The following EIF4E variants were observed in gnomAD, a reference collection of about 807,000 sequenced individuals.
EIF4E encodes the protein eIF-4F 25 kDa subunit.
For missense variants in EIF4E, 113 were observed against 265.6 expected (o/e 0.43, Z 3.99); for synonymous variants, 71 against 88.5 (o/e 0.80, Z 1.11).
chr4:98,914,417 T>C (rs1391950741), intron 1 of EIF4E, among the ~76,000 whole-genome samples: 2 of 150,720 alleles, frequency 1.3e-5, no homozygotes, highest in African/African-American at 4.9e-5. Context: ...TTTGACCTAT[T>C]TTAAGAAGTC....
intron 1 of EIF4E, chr4:98,928,866 C>T: frequency 6.5e-7 from 1 of 1,542,836 alleles, no homozygotes; most frequent in South Asian, 1.2e-5. Context: ...CCCTCCCCCA[C>T]ACCGCTCCCC....
rs770081125 is a variant in EIF4E, at chr4:98,897,364, A to G, written c.125+4512T>C. On this transcript the variant is annotated intron_variant, in intron 2 of 6. Coordinates refer to ENST00000450253, the MANE Select transcript of EIF4E (RefSeq NM_001968.5). ...GGTGGGTGGATCACCTGAGGTCAGG[A>G]GTTCAAGACCAGCTTGGCCATCATG... Among the ~76,000 whole-genome samples, 147 of 152,112 alleles carry G rather than the reference A, an allele frequency of 9.7e-4. 1 individual carries two copies. The highest frequency in any genetic ancestry group is 3.4e-3 in the Middle Eastern group (1 of 294).
At position 98,902,021 on chromosome 4, in the gene EIF4E, T is replaced by A. The variant is rs574728099; in HGVS notation, c.19-39A>T. On this transcript the variant is annotated intron_variant, in intron 1 of 6. Transcript: ENST00000450253. The stretch of plus-strand genomic sequence containing the variant: ...ATATAAAACATTATTTTAAATGTCT[T>A]AACACATCTATGACAGCAATATTCT... 3.9e-6 allele frequency: 6 copies of A among 1,556,588 alleles called. No homozygotes were observed. In the African/African-American group the frequency reaches 8.1e-5, roughly 21 times the overall value.
intron 1 of EIF4E, among the ~76,000 whole-genome samples, chr4:98,904,114 G>T (rs1435131049): frequency 6.7e-6 from 1 of 149,478 alleles, no homozygotes; most frequent in African/African-American, 2.6e-5. Flanking sequence ...ACTCTGGTTG[G>T]CCTAACAGAG....
intron 1 of EIF4E, among the ~76,000 whole-genome samples, chr4:98,907,367 A>G (rs1196194896): frequency 6.6e-6 from 1 of 152,174 alleles, no homozygotes; most frequent in Non-Finnish European, 1.5e-5. Flanking sequence ...AATGGCTAAA[A>G]TATAGCATTG....
At chr4:98,905,619 T>C (rs1724839533) in intron 1 of EIF4E, among the ~76,000 whole-genome samples, 1 of 152,136 alleles carries the variant, frequency 6.6e-6, no homozygotes, top group Non-Finnish European at 1.5e-5. Flanking sequence ...TCAAAGAGAT[T>C]AAATACAAAT....
At chr4:98,885,353 GCAAA>G (rs1284214282) in intron 5 of EIF4E, among the ~76,000 whole-genome samples, 1 of 152,134 alleles carries the variant, frequency 6.6e-6, no homozygotes, top group African/African-American at 2.4e-5. Flanking sequence ...ATATTTATGA[GCAAA>G]CAAATATTAA....
chr4:98,907,432 C>CA (rs1014163225), intron 1 of EIF4E, among the ~76,000 whole-genome samples: 19 of 147,852 alleles, frequency 1.3e-4, no homozygotes, highest in African/African-American at 4.7e-4. Flanking sequence ...AATCAAGCAT[C>CA]AAAAAAGGCA....
At chr4:98,915,435 T>C (rs564867640) in intron 1 of EIF4E, among the ~76,000 whole-genome samples, 3 of 152,320 alleles carry the variant, frequency 2.0e-5, no homozygotes, top group South Asian at 4.1e-4. Flanking sequence ...AACAAAGTTA[T>C]ATTAAAGCCC....
At chr4:98,896,279 G>A (rs544004517) in intron 2 of EIF4E, among the ~76,000 whole-genome samples, 8 of 150,392 alleles carry the variant, frequency 5.3e-5, no homozygotes, top group Admixed American at 2.0e-4. Context: ...GGCCAAGGCA[G>A]GAGGATTGCT....
chr4:98,884,646 G>C (rs1337581968), intron 6 of EIF4E, among the ~76,000 whole-genome samples: 2 of 152,134 alleles, frequency 1.3e-5, no homozygotes, highest in African/African-American at 2.4e-5. Flanking sequence ...GGAGGTTGCA[G>C]TGAGCCTAGA....
intron 1 of EIF4E, chr4:98,903,373 T>G (rs1409155286): frequency 4.7e-6 from 2 of 425,970 alleles, no homozygotes; most frequent in East Asian, 7.0e-5. Context: ...TTTTTTTTTT[T>G]TGTATTTTAT....
At chr4:98,898,367 G>T (rs1456355703) in intron 2 of EIF4E, among the ~76,000 whole-genome samples, 1 of 152,114 alleles carries the variant, frequency 6.6e-6, no homozygotes, top group Non-Finnish European at 1.5e-5. Flanking sequence ...CCAGCACTTT[G>T]CGAGGCCGAG....
At chr4:98,921,097 G>T (rs1245977427) in intron 1 of EIF4E, among the ~76,000 whole-genome samples, 1 of 152,070 alleles carries the variant, frequency 6.6e-6, no homozygotes, top group East Asian at 1.9e-4. Context: ...CCAAAACTTT[G>T]TATGTAACAC....
Position 98,881,101 on chromosome 4 carries a change from A to G in EIF4E, c.581T>C (p.Val194Ala). The change falls in exon 7 of 7, where the codon GTG becomes GCG. Residue 194 changes from valine (V) to alanine (A), a missense_variant. Coordinates refer to ENST00000450253, the MANE Select transcript of EIF4E (RefSeq NM_001968.5). ...GTCTGCGTGGGACTGATAACCAATC[A>G]CTATCTTTGGAGGAAGTCCTAACCT... ...KERLGLPPKI[V>A]IGYQSHADTA... is the part of the protein sequence containing the mutation. The G allele has an allele frequency of 1.2e-6, 2 of 1,613,158 alleles. No homozygotes were observed. The highest frequency in any genetic ancestry group is 1.7e-6 in the Non-Finnish European group (2 of 1,179,538).
At chr4:98,885,594 G>T (rs1723885284) in intron 5 of EIF4E, among the ~76,000 whole-genome samples, 1 of 152,006 alleles carries the variant, frequency 6.6e-6, no homozygotes, top group Non-Finnish European at 1.5e-5. Context: ...CATACATACA[G>T]GGACATGTCA....
In EIF4E at chr4:98,906,264, G is replaced by A. The variant is rs116149883; in HGVS notation, c.19-4282C>T. Among the ~76,000 whole-genome samples, 1,139 of 152,202 alleles carry A rather than the reference G, an allele frequency of 7.5e-3. 15 individuals carry two copies. The highest frequency in any genetic ancestry group is 0.025 in the African/African-American group (1,046 of 41,520). The stretch of plus-strand genomic sequence containing the variant: ...CACCCAACACCTTATTTGAAGTATG[G>A]AATAATCAGTAGTCCCTCTTGGCAC... On this transcript the variant is annotated intron_variant, in intron 1 of 6. Coordinates refer to ENST00000450253, the MANE Select transcript of EIF4E (RefSeq NM_001968.5).
At chr4:98,928,790 GCC>G in intron 1 of EIF4E, 1 of 1,425,664 alleles carries the variant, frequency 7.0e-7, no homozygotes, top group Non-Finnish European at 9.4e-7. Flanking sequence ...CGCATACCCA[GCC>G]CAGAACCCCA....
At chr4:98,895,153 AT>A (rs1184238126) in intron 2 of EIF4E, 1 of 152,254 alleles carries the variant, frequency 6.6e-6, no homozygotes, top group African/African-American at 2.4e-5. Context: ...AACAGATACA[AT>A]AAAAGTTTGA....
Sources: allele counts gnomAD v4.1 joint callset (sites outside exome capture counted in the v4.1 genomes callset), GRCh38; gene constraint gnomAD v4.1.1; transcripts MANE v1.5; gene names NCBI Gene and HGNC (gene_info 2026-07-23, HGNC 2026-07-21).